Variants in SLIT2 observed in about 807,000 individuals in gnomAD.
SLIT2 encodes slit guidance ligand 2.
A neutral mutation model predicts 185.7 loss-of-function variants in SLIT2; 41 were observed. The observed-to-expected ratio is 0.22, with a 90% CI of 0.17 to 0.29. SLIT2 has a LOEUF of 0.29. SLIT2 is among the 10% of genes least tolerant of loss of function. The probability of loss-of-function intolerance (pLI) is 1.00; values close to 1 mark genes in which losing one functional copy is unlikely to be tolerated. For missense variants in SLIT2, 1,571 were observed against 1,909.0 expected, an observed-to-expected ratio of 0.82 and a Z score of 3.30; for synonymous variants, 693 against 680.2, an observed-to-expected ratio of 1.02 and a Z score of -0.29.
At chr4:20,505,190 T>G (rs934173081) in intron 9 of SLIT2, among the ~76,000 whole-genome samples, 7 of 152,108 alleles carry the variant, frequency 4.6e-5, no homozygotes, top group Non-Finnish European at 8.8e-5. Flanking sequence ...TAGAAAACAT[T>G]TATGGTAAGT....
Position 20,539,638 on chromosome 4 carries a change from T to C in SLIT2, c.1976+54T>C, listed in dbSNP as rs1460668005. The C allele has an allele frequency of 9.4e-6, 11 of 1,166,566 alleles. No individual in the cohort carries two copies. The East Asian group carries it at 2.9e-4, about 31-fold the overall frequency. 72.3% of individuals were successfully genotyped at this position (1,166,566 alleles called of 1,614,324 possible). ...TACTTGAGCCATTTATTATATTTGT[T>C]AATGTATTTAATATATTATTAAGCA... On this transcript the variant is annotated intron_variant, in intron 19 of 36. Transcript: ENST00000504154.
At chr4:20,454,560 G>A (rs1238333126) in intron 4 of SLIT2, among the ~76,000 whole-genome samples, 1 of 152,096 alleles carries the variant, frequency 6.6e-6, no homozygotes, top group African/African-American at 2.4e-5. Flanking sequence ...CTCCATGGAA[G>A]TACAGATTTA....
intron 29 of SLIT2, among the ~76,000 whole-genome samples, chr4:20,570,305 T>C (rs1449874738): frequency 6.6e-6 from 1 of 152,016 alleles, no homozygotes; most frequent in Non-Finnish European, 1.5e-5. Context: ...TTATTTGATA[T>C]TTTACATAAA....
At chr4:20,529,565 G>A (rs1272184605) in intron 16 of SLIT2, among the ~76,000 whole-genome samples, 2 of 152,132 alleles carry the variant, frequency 1.3e-5, no homozygotes, top group Non-Finnish European at 2.9e-5. Context: ...AGGATTCAGT[G>A]GTTATCAAGT....
intron 5 of SLIT2, among the ~76,000 whole-genome samples, chr4:20,475,487 C>T (rs1161417955): frequency 6.6e-6 from 1 of 152,028 alleles, no homozygotes; most frequent in Non-Finnish European, 1.5e-5. Flanking sequence ...TCCTGAGTCA[C>T]TATGTATTGA....
chr4:20,468,126 A>G (rs1011474434), intron 5 of SLIT2, among the ~76,000 whole-genome samples: 1 of 152,072 alleles, frequency 6.6e-6, no homozygotes, highest in African/African-American at 2.4e-5. Context: ...CACTTTTTCT[A>G]TCAGCTTACT....
chr4:20,511,013 T>A (rs1560487494), intron 10 of SLIT2, 53 bp from the exon 11 acceptor site: 1 of 1,165,202 alleles, frequency 8.6e-7, no homozygotes. Context: ...TTTTCCGCAG[T>A]AAATCTCACT....
chr4:20,375,874 A>C (rs1230717964), intron 4 of SLIT2, among the ~76,000 whole-genome samples: 2 of 152,040 alleles, frequency 1.3e-5, no homozygotes, highest in Non-Finnish European at 2.9e-5. Context: ...TGTTCTTCAA[A>C]TATTGAAGCA....
At chr4:20,339,090 C>CAAAAA (rs398051113) in intron 4 of SLIT2, among the ~76,000 whole-genome samples, 172 of 70,490 alleles carry the variant, frequency 2.4e-3, no homozygotes, top group South Asian at 3.6e-3. Context: ...GAGACACTCT[C>CAAAAA]AAAAAAAAAA....
At chr4:20,531,885 G>T in intron 16 of SLIT2, 99 bp from the exon 17 acceptor site, 2 of 626,034 alleles carry the variant, frequency 3.2e-6, no homozygotes, top group Non-Finnish European at 2.8e-6. Flanking sequence ...TATTTTCCTG[G>T]TATCATTAAA....
At chr4:20,362,140 G>A (rs1387302915) in intron 4 of SLIT2, among the ~76,000 whole-genome samples, 1 of 152,070 alleles carries the variant, frequency 6.6e-6, no homozygotes, top group Non-Finnish European at 1.5e-5. Flanking sequence ...TCCTGCGCTG[G>A]ATGGCCTTTT....
intron 4 of SLIT2, among the ~76,000 whole-genome samples, chr4:20,328,642 A>G (rs1719798654): frequency 6.6e-6 from 1 of 152,100 alleles, no homozygotes; most frequent in Admixed American, 6.6e-5. Flanking sequence ...GACTTCAAGA[A>G]AAATATTTTT....
rs577159744 is a variant in SLIT2 at position 20,458,845 on chromosome 4, C to T, written c.396-8907C>T. Among the ~76,000 whole-genome samples, 9 of 152,258 alleles carry T rather than the reference C, an allele frequency of 5.9e-5. No homozygotes were observed. The South Asian group carries it at 1.2e-3, about 21-fold the overall frequency. On this transcript the variant is annotated intron_variant, in intron 4 of 36. Transcript: ENST00000504154. ...AAAATAAAAATAGGAGAATACATCC[C>T]GACTTGGTTATAGAAACAATACAAT...
chr4:20,294,296 C>T lies in SLIT2; in HGVS notation c.395+25415C>T, dbSNP rs182535876. On this transcript the variant is annotated intron_variant, in intron 4 of 36. Transcript: ENST00000504154. ...CCCAAGAGACAGAGGTTGCACTGAG[C>T]CAAGATCACACCACTGCACTCCATC... Among the ~76,000 whole-genome samples the T allele has an allele frequency of 1.2e-3, 176 of 151,652 alleles. 2 individuals are homozygous for T. The highest frequency in any genetic ancestry group is 2.4e-3 in the Admixed American group (36 of 15,198).
chr4:20,594,105 A>G (rs768674993), intron 30 of SLIT2, among the ~76,000 whole-genome samples: 2 of 147,716 alleles, frequency 1.4e-5, no homozygotes, highest in Non-Finnish European at 3.0e-5. Flanking sequence ...TCTCATATAT[A>G]CACATATATA....
chr4:20,378,260 A>C (rs1724199393), intron 4 of SLIT2, among the ~76,000 whole-genome samples: 1 of 152,202 alleles, frequency 6.6e-6, no homozygotes, highest in Non-Finnish European at 1.5e-5. Flanking sequence ...TTCACATAAT[A>C]GAAAAAAATA....
At chr4:20,258,018 C>A in intron 3 of SLIT2, 79 bp downstream of exon 3, 1 of 729,752 alleles carries the variant, frequency 1.4e-6, no homozygotes, top group Non-Finnish European at 2.4e-6. Context: ...ATCATGTCTT[C>A]AATTTCATGT....
At chr4:20,493,198 A>G (rs1717935248) in intron 9 of SLIT2, among the ~76,000 whole-genome samples, 1 of 152,172 alleles carries the variant, frequency 6.6e-6, no homozygotes, top group Admixed American at 6.6e-5. Flanking sequence ...ATTGTAGTTG[A>G]ACCTAATTAG....
chr4:20,260,978 G>A (rs1263190820), intron 3 of SLIT2, among the ~76,000 whole-genome samples: 1 of 151,130 alleles, frequency 6.6e-6, no homozygotes, highest in Non-Finnish European at 1.5e-5. Context: ...TACAACATGA[G>A]ATAACACATC....
Sources: allele counts gnomAD v4.1 joint callset (sites outside exome capture counted in the v4.1 genomes callset), GRCh38; gene constraint gnomAD v4.1.1; transcripts MANE v1.5; gene names NCBI Gene and HGNC (gene_info 2026-07-23, HGNC 2026-07-21).